ARHGAP10: variants seen among roughly 807,000 people sequenced by gnomAD.
The protein encoded by ARHGAP10 is rho GTPase-activating protein 10.
ARHGAP10 carries 87 observed loss-of-function variants against 108.6 expected under a neutral mutation model. The observed-to-expected ratio is 0.80, with a 90% CI of 0.67 to 0.96. ARHGAP10 has a LOEUF of 0.96. Among genes scored for constraint, ARHGAP10 ranks in the 40% least tolerant of loss-of-function variants. ARHGAP10 has a pLI of 0.00. For synonymous variants in ARHGAP10, 347 were observed against 341.1 expected (o/e 1.02, Z -0.19); for missense variants, 939 against 954.5 (o/e 0.98, Z 0.21).
chr4:147,837,643 G>GTTT lies in ARHGAP10; in HGVS notation c.313-9491_313-9489dup, dbSNP rs59933316. 6.7e-4 allele frequency among the ~76,000 whole-genome samples: 47 copies of GTTT among 70,238 alleles called. 1 individual carries two copies. In the Middle Eastern group the frequency reaches 0.048, roughly 72 times the overall value. 46.1% of individuals were successfully genotyped at this position (70,238 alleles called of 152,430 possible). On this transcript the variant is annotated intron_variant, in intron 3 of 22. Transcript: ENST00000336498. ...CACCTCGCTAGAATCTCTGGTCACT[G>GTTT]TTTTTTTTTTTTTTTTTTTAAAGCA...
intron 19 of ARHGAP10, among the ~76,000 whole-genome samples, chr4:148,031,902 G>A (rs571625606): frequency 6.6e-6 from 1 of 152,230 alleles, no homozygotes; most frequent in African/African-American, 2.4e-5. Context: ...ATTAAGTACT[G>A]CAAAAGCATT....
rs1739210812 is a variant in ARHGAP10 at position 147,966,607 on chromosome 4, G to A, written c.1557-73G>A. 1.7e-5 allele frequency: 23 copies of A among 1,354,044 alleles called. No homozygotes were observed. The South Asian group carries it at 3.1e-4, about 18-fold the overall frequency. 83.9% of individuals were successfully genotyped at this position (1,354,044 alleles called of 1,614,324 possible). A position where few individuals can be genotyped will look rare whatever the true frequency, so the allele number is the denominator to read the frequency against. The stretch of plus-strand genomic sequence containing the variant: ...CCCCTTGCTTTTAAGGAAATACAGA[G>A]TTGCAGACTATTTACAGTCCACAAT... On this transcript the variant is annotated intron_variant, in intron 17 of 22. Transcript: ENST00000336498.
rs536103214 is a variant in ARHGAP10, at chr4:147,834,626, C to G, written c.312+11669C>G. Among the ~76,000 whole-genome samples the G allele has an allele frequency of 5.9e-5, 9 of 152,014 alleles. No homozygotes were observed. The East Asian group carries it at 1.5e-3, about 26-fold the overall frequency. ...CTAACGGCAGCCTTGTTAGACTTACCCCAGAATGGCACTGCAGCCTCACCC... is the reference window on the plus strand; with the variant it reads ...CTAACGGCAGCCTTGTTAGACTTACGCCAGAATGGCACTGCAGCCTCACCC... On this transcript the variant is annotated intron_variant, in intron 3 of 22. Coordinates refer to ENST00000336498, the MANE Select transcript of ARHGAP10 (RefSeq NM_024605.4).
intron 1 of ARHGAP10, among the ~76,000 whole-genome samples, chr4:147,788,526 C>G (rs540195682): frequency 1.3e-5 from 2 of 152,110 alleles, no homozygotes. Context: ...TTTGTCCAGT[C>G]CTTGGTGAGA....
Position 147,795,700 on chromosome 4 carries a change from AT to A in ARHGAP10, c.155-27014del, listed in dbSNP as rs112329446. 7.4e-3 allele frequency among the ~76,000 whole-genome samples: 1,058 copies of A among 142,756 alleles called. 11 individuals are homozygous for A. The highest frequency in any genetic ancestry group is 0.035 in the East Asian group (175 of 4,958). 93.7% of individuals were successfully genotyped at this position (142,756 alleles called of 152,430 possible). A position where few individuals can be genotyped will look rare whatever the true frequency, so the allele number is the denominator to read the frequency against. ...TTTTTTATTTTTTTAATTTAATTTA[AT>A]TTTTTTTTTTTTGGAGACAGTCTCA... On this transcript the variant is annotated intron_variant, in intron 1 of 22. Transcript: ENST00000336498.
At chr4:147,737,483 T>TA (rs35709427) in intron 1 of ARHGAP10, among the ~76,000 whole-genome samples, 11,219 of 152,184 alleles carry the variant, frequency 0.074, 520 homozygotes, top group Non-Finnish European at 0.11. Flanking sequence ...TAAAGTGGTG[T>TA]AATTGTAAAT....
Position 147,906,835 on chromosome 4 carries a change from C to CA in ARHGAP10, c.1116+121dup, listed in dbSNP as rs1452241967. ...AAGTTCCCTTCTATAACAGGTATTC[C>CA]AAAAATCATCGTGGAAGCATTCAAC... On this transcript the variant is annotated intron_variant, in intron 11 of 22. Coordinates refer to ENST00000336498, the MANE Select transcript of ARHGAP10 (RefSeq NM_024605.4). 9 of 1,218,922 alleles carry CA rather than the reference C, an allele frequency of 7.4e-6. No individual in the cohort carries two copies. In the Admixed American group the frequency reaches 1.4e-4, roughly 19 times the overall value. The allele number at this position is 1,218,922 out of a possible 1,614,324, so 75.5% of individuals were successfully genotyped here.
intron 20 of ARHGAP10, among the ~76,000 whole-genome samples, chr4:148,049,714 T>C (rs559774055): frequency 5.9e-5 from 9 of 152,180 alleles, no homozygotes; most frequent in African/African-American, 1.9e-4. Context: ...TGCCTTTTAG[T>C]ATTATTTGAT....
chr4:147,892,834 C>A (rs768263379), intron 10 of ARHGAP10, among the ~76,000 whole-genome samples: 1 of 152,118 alleles, frequency 6.6e-6, no homozygotes, highest in Non-Finnish European at 1.5e-5. Flanking sequence ...TGTATTTTAA[C>A]TGTGTGTTTG....
intron 4 of ARHGAP10, among the ~76,000 whole-genome samples, chr4:147,849,231 C>T (rs897869822): frequency 4.0e-5 from 6 of 148,836 alleles, no homozygotes; most frequent in Non-Finnish European, 1.5e-5. Flanking sequence ...CTTTAAAAGA[C>T]TCTGCTTTTT....
intron 10 of ARHGAP10, among the ~76,000 whole-genome samples, chr4:147,897,500 T>C (rs1027034567): frequency 3.9e-5 from 6 of 152,308 alleles, no homozygotes; most frequent in African/African-American, 1.4e-4. Flanking sequence ...TTTTTGCTGT[T>C]GCCTTTTCTA....
At position 147,999,366 on chromosome 4, in the gene ARHGAP10, A is replaced by G. The variant is rs570488368; in HGVS notation, c.1717-23897A>G. Among the ~76,000 whole-genome samples, 7 of 152,236 alleles carry G rather than the reference A, an allele frequency of 4.6e-5. No individual in the cohort carries two copies. In the East Asian group the frequency reaches 9.7e-4, roughly 21 times the overall value. ...CCTTTGTGAGCTCTGTTTTCACTCT[A>G]TTAAATCTTGCAACTACACACTCTT... On this transcript the variant is annotated intron_variant, in intron 18 of 22. Transcript: ENST00000336498.
At chr4:148,020,546 G>T (rs60115613) in intron 18 of ARHGAP10, among the ~76,000 whole-genome samples, 25,174 of 132,498 alleles carry the variant, frequency 0.19, 4,095 homozygotes, top group African/African-American at 0.47. Flanking sequence ...TGCGTTTTTT[G>T]TTTTTTTTTT....
chr4:147,859,106 A>G (rs1384483072), intron 5 of ARHGAP10, among the ~76,000 whole-genome samples: 2 of 152,064 alleles, frequency 1.3e-5, no homozygotes, highest in Non-Finnish European at 2.9e-5. Flanking sequence ...GGGCCGTTGT[A>G]TTTGTTTTCC....
At chr4:147,916,782 G>C (rs1737003437) in intron 13 of ARHGAP10, 1 of 152,220 alleles carries the variant, frequency 6.6e-6, no homozygotes, top group Admixed American at 6.5e-5. Flanking sequence ...GAGGGTAAAG[G>C]CACAGTGTAC....
At chr4:147,847,056 T>C in intron 3 of ARHGAP10, 95 bp from the exon 4 acceptor site, 1 of 988,552 alleles carries the variant, frequency 1.0e-6, no homozygotes, top group South Asian at 1.5e-5. Context: ...GTTCATTTTC[T>C]TTCTGGGTGG....
At chr4:147,741,792 GCACACACACACACACACACACA>G (rs112095776) in intron 1 of ARHGAP10, among the ~76,000 whole-genome samples, 3 of 57,574 alleles carry the variant, frequency 5.2e-5, no homozygotes, top group African/African-American at 1.0e-4. Flanking sequence ...ACACACACAC[GCACACACACACACACACACACA>G]CACACACACA....
chr4:147,833,178 G>A (rs1419306486), intron 3 of ARHGAP10, among the ~76,000 whole-genome samples: 1 of 152,156 alleles, frequency 6.6e-6, no homozygotes, highest in Non-Finnish European at 1.5e-5. Flanking sequence ...GATACGGTTT[G>A]GCTCTGTGTC....
chr4:147,959,962 C>T (rs1461194294), intron 16 of ARHGAP10, among the ~76,000 whole-genome samples: 6 of 152,104 alleles, frequency 3.9e-5, no homozygotes, highest in Admixed American at 2.6e-4. Flanking sequence ...CAAAGTTTTC[C>T]AGACTTTTTA....
Sources: allele counts gnomAD v4.1 joint callset (sites outside exome capture counted in the v4.1 genomes callset), GRCh38; gene constraint gnomAD v4.1.1; transcripts MANE v1.5; gene names NCBI Gene and HGNC (gene_info 2026-07-23, HGNC 2026-07-21).